Variants in PHC2 observed in about 807,000 individuals in gnomAD.
PHC2 encodes polyhomeotic homolog 2.
PHC2 carries 29 observed loss-of-function variants against 87.4 expected under a neutral mutation model. The observed-to-expected ratio is 0.33, with a 90% CI of 0.25 to 0.45. PHC2 has a LOEUF of 0.45. PHC2 is among the 20% of genes least tolerant of loss of function. The pLI, the probability that PHC2 is intolerant of heterozygous loss-of-function variation, is 1.00. For missense variants in PHC2, 857 were observed against 1,136.7 expected (o/e 0.75, Z 3.54); for synonymous variants, 438 against 461.7 (o/e 0.95, Z 0.66).
chr1:33,330,020 G>A lies in PHC2; in HGVS notation c.2148+51C>T, dbSNP rs145235023. On this transcript the variant is annotated intron_variant, in intron 13 of 14. Coordinates refer to ENST00000683057, the MANE Select transcript of PHC2 (RefSeq NM_001385109.1). ...CCGTGGTGTCGAGGGCCATGGAAGG[G>A]AAGCTGTGGGGACTGTGGGGATGGA... 455 of 1,599,792 alleles carry A rather than the reference G, an allele frequency of 2.8e-4. 1 individual carries two copies. In the African/African-American group the frequency reaches 3.4e-3, roughly 12 times the overall value.
At chr1:33,345,794 C>G (rs991240357) in intron 9 of PHC2, 111 of 984,966 alleles carry the variant, frequency 1.1e-4, no homozygotes, top group Non-Finnish European at 1.2e-4. Context: ...CCCAAAATAT[C>G]CACATCATAA....
intron 2 of PHC2, among the ~76,000 whole-genome samples, chr1:33,373,746 C>A (rs1260505786): frequency 6.6e-6 from 1 of 152,122 alleles, no homozygotes; most frequent in Non-Finnish European, 1.5e-5. Context: ...ATTTTCTACC[C>A]TTACCTCTGC....
At chr1:33,330,798 G>A (rs1278845970) in intron 12 of PHC2, among the ~76,000 whole-genome samples, 1 of 152,196 alleles carries the variant, frequency 6.6e-6, no homozygotes, top group African/African-American at 2.4e-5. Context: ...TATTAGCTAT[G>A]TTATCTGAGG....
chr1:33,375,909 G>A (rs1323768075), intron 1 of PHC2, among the ~76,000 whole-genome samples: 2 of 152,138 alleles, frequency 1.3e-5, no homozygotes, highest in African/African-American at 4.8e-5. Context: ...TTTATATTAG[G>A]GACTTGAGCT....
chr1:33,378,821 T>C (rs948878867), intron 1 of PHC2, among the ~76,000 whole-genome samples: 3 of 152,042 alleles, frequency 2.0e-5, no homozygotes, highest in Admixed American at 2.0e-4. Context: ...AAAAATAATA[T>C]TTATTTGTCA....
intron 1 of PHC2, among the ~76,000 whole-genome samples, chr1:33,394,451 G>A (rs1239799358): frequency 6.6e-6 from 1 of 152,210 alleles, no homozygotes; most frequent in Non-Finnish European, 1.5e-5. Flanking sequence ...TCCTCCAGCT[G>A]CAAATCAGAA....
chr1:33,352,926 C>T (rs999672813), intron 9 of PHC2, among the ~76,000 whole-genome samples: 2 of 152,086 alleles, frequency 1.3e-5, no homozygotes, highest in Non-Finnish European at 2.9e-5. Flanking sequence ...CTAGGGCTGT[C>T]GTGAGTGAGT....
At chr1:33,330,248 T>C (rs370631665) in intron 12 of PHC2, 36 bp from the exon 13 acceptor site, 67 of 1,609,476 alleles carry the variant, frequency 4.2e-5, no homozygotes, top group Non-Finnish European at 5.3e-5. Context: ...GTCACAGTAG[T>C]CATTGTGCTT....
Position 33,331,072 on chromosome 1 carries a change from G to A in PHC2, c.2006+276C>T, listed in dbSNP as rs980205041. 5.9e-5 allele frequency among the ~76,000 whole-genome samples: 9 copies of A among 152,202 alleles called. No individual in the cohort carries two copies. Among genetic ancestry groups the A allele is most frequent in the Non-Finnish European group, 1.2e-4 (8 of 68,036 alleles). Reference sequence around the variant, plus strand: ...ACAAGGCAGGGGCTGTCAATGCTAGGAAAGGCGAATGGGTGCCAGTGGAGC... The same window carrying A: ...ACAAGGCAGGGGCTGTCAATGCTAGAAAAGGCGAATGGGTGCCAGTGGAGC... On this transcript the variant is annotated intron_variant, in intron 12 of 14. Coordinates refer to ENST00000683057, the MANE Select transcript of PHC2 (RefSeq NM_001385109.1). This position sits in a 1 kb window ranked among gnomAD's most constrained non-coding sequence, Gnocchi z 5.2.
chr1:33,329,085 T>A lies in PHC2; in HGVS notation c.2210A>T (p.Asp737Val), dbSNP rs756174825. ...TGAGTTATCTGAGCAACGGCTGGAGTCTTCCTGGCTGTGTGTTAGCTGCAA... is the reference window on the plus strand; with the variant it reads ...TGAGTTATCTGAGCAACGGCTGGAGACTTCCTGGCTGTGTGTTAGCTGCAA... ...AALQLTHSQEDSSRCSDNSSY... is the reference protein window; with the variant it reads ...AALQLTHSQEVSSRCSDNSSY... The change falls in exon 14 of 15, where the codon GAC (aspartate) becomes GTC (valine). Residue 737 changes from aspartate to valine, a missense_variant. Transcript: ENST00000683057. 1.8e-5 allele frequency: 29 copies of A among 1,613,948 alleles called. No homozygotes were observed. Among genetic ancestry groups the A allele is most frequent in the Non-Finnish European group, 2.4e-5 (28 of 1,180,004 alleles).
chr1:33,357,917 G>T (rs1167389470), intron 7 of PHC2, among the ~76,000 whole-genome samples: 4 of 152,200 alleles, frequency 2.6e-5, no homozygotes, highest in Admixed American at 1.3e-4. Context: ...GCCTATGTGA[G>T]GTGGGAGCTG....
chr1:33,325,217 G>A (rs868642861), intron 14 of PHC2, 198 bp from the exon 15 acceptor site: 33 of 565,056 alleles, frequency 5.8e-5, no homozygotes, highest in African/African-American at 4.3e-4. Context: ...CAGCAGCCGC[G>A]ATCTGGGCCT....
intron 7 of PHC2, among the ~76,000 whole-genome samples, chr1:33,365,743 G>A (rs1047405751): frequency 5.9e-5 from 9 of 152,226 alleles, no homozygotes; most frequent in East Asian, 5.8e-4. Context: ...GGAATGCAGC[G>A]ACTGACCCTT....
At chr1:33,416,728 A>G (rs186558498) in intron 1 of PHC2, among the ~76,000 whole-genome samples, 2 of 152,256 alleles carry the variant, frequency 1.3e-5, no homozygotes, top group Admixed American at 1.3e-4. Context: ...TCTCAAAGGT[A>G]AAATAGAACT....
In PHC2 at chr1:33,369,779, G is replaced by A. The variant is rs901653841; in HGVS notation, c.576+642C>T. Among the ~76,000 whole-genome samples, 4 of 152,154 alleles carry A rather than the reference G, an allele frequency of 2.6e-5. No homozygotes were observed. Among genetic ancestry groups the A allele is most frequent in the Non-Finnish European group, 5.9e-5 (4 of 68,012 alleles). On this transcript the variant is annotated intron_variant, in intron 5 of 14. Transcript: ENST00000683057. This position sits in a 1 kb window ranked among gnomAD's most constrained non-coding sequence, Gnocchi z 4.7. ...GCCCTAGCTGGGGCTGCATGCTACT[G>A]CCACCCAGGGAGTATGCTGCCATTT... is the stretch of plus-strand genomic sequence containing the variant.
chr1:33,345,216 A>G (rs1367855452), intron 9 of PHC2: 1 of 152,212 alleles, frequency 6.6e-6, no homozygotes, highest in Non-Finnish European at 1.5e-5. Flanking sequence ...TCTAATAGTC[A>G]TCTCTTCTTA....
chr1:33,376,870 A>C (rs536894050), intron 1 of PHC2, among the ~76,000 whole-genome samples: 5 of 152,352 alleles, frequency 3.3e-5, no homozygotes, highest in African/African-American at 1.2e-4. Context: ...CAGAGGTTGC[A>C]GTGAGCTGAG....
rs1452201051 is a variant in PHC2, at chr1:33,368,392, C to T, written c.663+144G>A. 8.3e-6 allele frequency: 5 copies of T among 599,914 alleles called. No individual in the cohort carries two copies. The highest frequency in any genetic ancestry group is 3.0e-5 in the Admixed American group (1 of 33,496). 37.2% of individuals were successfully genotyped at this position (599,914 alleles called of 1,614,324 possible). A position where few individuals can be genotyped will look rare whatever the true frequency, so the allele number is the denominator to read the frequency against. ...GAGGCCTTCTGGAACAGGGTAGACG[C>T]GCAGGCCTGGGGGCATTGGGGTGTC... On this transcript the variant is annotated intron_variant, in intron 6 of 14. Transcript: ENST00000683057. This position sits in a 1 kb window ranked among gnomAD's most constrained non-coding sequence, Gnocchi z 6.6.
At chr1:33,419,644 C>T (rs892198080) in intron 1 of PHC2, among the ~76,000 whole-genome samples, 2 of 152,112 alleles carry the variant, frequency 1.3e-5, no homozygotes, top group African/African-American at 4.8e-5. Context: ...GAGTCTCGCT[C>T]TGTTGCCCAG....
Sources: gnomAD v4.1 joint callset for allele counts (sites outside exome capture counted in the v4.1 genomes callset) on GRCh38, gnomAD v4.1.1 for gene constraint, Gnocchi (gnomAD v3.1) non-coding constraint, MANE v1.5 for transcripts, NCBI Gene and HGNC (gene_info 2026-07-23, HGNC 2026-07-21) for gene names.